The following LRRFIP1 variants were observed in gnomAD, a reference collection of about 807,000 sequenced individuals.
LRRFIP1 encodes the protein LRR binding FLII interacting protein 1.
LRRFIP1 carries 62 observed loss-of-function variants against 104.4 expected under a neutral mutation model. That is an observed-to-expected ratio of 0.59 (90% CI 0.48 to 0.73). The LOEUF (loss-of-function observed/expected upper bound fraction) is 0.73. LRRFIP1 is among the 30% of genes least tolerant of loss of function. The probability of loss-of-function intolerance (pLI) is 0.00; values close to 1 mark genes in which losing one functional copy is unlikely to be tolerated. For missense variants in LRRFIP1, 796 were observed against 824.5 expected (o/e 0.97, Z 0.42); for synonymous variants, 300 against 299.0 (o/e 1.00, Z -0.03).
chr2:237,767,465 C>T (rs928810464), intron 19 of LRRFIP1, among the ~76,000 whole-genome samples: 1 of 152,078 alleles, frequency 6.6e-6, no homozygotes, highest in African/African-American at 2.4e-5. Flanking sequence ...TGTAAATCTT[C>T]CTTCAAAAGT....
chr2:237,719,567 G>A lies in LRRFIP1; in HGVS notation c.294G>A (p.Ser98=), dbSNP rs2094464369. 4.3e-6 allele frequency: 7 copies of A among 1,611,770 alleles called. No individual in the cohort carries two copies. In the South Asian group the frequency reaches 4.4e-5, roughly 10 times the overall value. Residue 98 remains serine, a splice_region_variant and synonymous_variant, in exon 5 of 24, where the codon TCG becomes TCA. Coordinates refer to ENST00000308482, the MANE Select transcript of LRRFIP1 (RefSeq NM_001137550.2). ...CTCGTAGATCCAGAAGAAACACATCGGTTAGTACCGTGTTCATTCATTACT... is the reference window on the plus strand; with the variant it reads ...CTCGTAGATCCAGAAGAAACACATCAGTTAGTACCGTGTTCATTCATTACT... ...RYSRRSRRNT[S]ASDEDERMSV...
intron 1 of LRRFIP1, among the ~76,000 whole-genome samples, chr2:237,669,956 G>T (rs543460740): frequency 6.6e-6 from 1 of 152,194 alleles, no homozygotes; most frequent in Non-Finnish European, 1.5e-5. Flanking sequence ...GATTGGGGCC[G>T]TCTTTGGACA....
At position 237,666,492 on chromosome 2, in the gene LRRFIP1, G is replaced by C. The variant is rs1011546906; in HGVS notation, c.96+38752G>C. ...TGGAATCCACTCTTCACCTAAGAAT[G>C]AGTTGCTTCCCAGAGGTACCAACAA... On this transcript the variant is annotated intron_variant, in intron 1 of 23. Coordinates refer to ENST00000308482, the MANE Select transcript of LRRFIP1 (RefSeq NM_001137550.2). 2.0e-5 allele frequency among the ~76,000 whole-genome samples: 3 copies of C among 152,188 alleles called. 1 individual carries two copies. The South Asian group carries it at 6.2e-4, about 32-fold the overall frequency.
At chr2:237,633,979 C>A (rs2082742055) in intron 1 of LRRFIP1, among the ~76,000 whole-genome samples, 2 of 152,208 alleles carry the variant, frequency 1.3e-5, no homozygotes. Flanking sequence ...TATCTCTCAT[C>A]TTCTTTTTCC....
intron 10 of LRRFIP1, among the ~76,000 whole-genome samples, chr2:237,737,833 T>C (rs1371403473): frequency 6.6e-6 from 1 of 152,236 alleles, no homozygotes; most frequent in East Asian, 1.9e-4. Flanking sequence ...TATTAATCTG[T>C]GAATCTGAAA....
chr2:237,701,880 G>A (rs1475100437), intron 1 of LRRFIP1, among the ~76,000 whole-genome samples: 2 of 152,190 alleles, frequency 1.3e-5, no homozygotes, highest in East Asian at 3.8e-4. Context: ...TCTTCTGCAG[G>A]CCTCTCCAGC....
intron 1 of LRRFIP1, among the ~76,000 whole-genome samples, chr2:237,663,036 C>T (rs1236062083): frequency 6.6e-6 from 1 of 152,114 alleles, no homozygotes; most frequent in Non-Finnish European, 1.5e-5. Flanking sequence ...GCGGGGTAGC[C>T]CTGCCCTGCG....
At chr2:237,749,438 C>G (rs2058301794) in intron 13 of LRRFIP1, 114 bp downstream of exon 13, 2 of 1,257,226 alleles carry the variant, frequency 1.6e-6, no homozygotes, top group East Asian at 5.1e-5. Flanking sequence ...TCTTGGTCCT[C>G]TCTCCCTCAC....
At chr2:237,668,519 G>A (rs369487314) in intron 1 of LRRFIP1, among the ~76,000 whole-genome samples, 7 of 152,252 alleles carry the variant, frequency 4.6e-5, no homozygotes, top group Non-Finnish European at 7.4e-5. Context: ...GGCACCAGGG[G>A]CCTCTTAGCC....
intron 7 of LRRFIP1, among the ~76,000 whole-genome samples, chr2:237,726,787 A>G (rs2094770433): frequency 6.6e-6 from 1 of 152,076 alleles, no homozygotes; most frequent in Non-Finnish European, 1.5e-5. Context: ...CTCTATTTTG[A>G]ATCAGCAGAA....
chr2:237,707,940 A>G (rs1575669280), intron 1 of LRRFIP1, among the ~76,000 whole-genome samples: 1 of 152,192 alleles, frequency 6.6e-6, no homozygotes, highest in African/African-American at 2.4e-5. Flanking sequence ...TTTAAGGGGA[A>G]GCTGAGGGTG....
intron 23 of LRRFIP1, among the ~76,000 whole-genome samples, chr2:237,775,510 G>A (rs557789680): frequency 6.6e-6 from 1 of 152,320 alleles, no homozygotes; most frequent in Admixed American, 6.5e-5. Flanking sequence ...TTGAGCAAAG[G>A]AGTGGCTTAT....
intron 1 of LRRFIP1, among the ~76,000 whole-genome samples, chr2:237,668,010 C>G (rs1401067726): frequency 1.3e-5 from 2 of 152,144 alleles, no homozygotes; most frequent in Non-Finnish European, 2.9e-5. Flanking sequence ...TGCCCAGACC[C>G]TTCTTTTGAA....
At chr2:237,696,380 T>C (rs1454611528) in intron 1 of LRRFIP1, among the ~76,000 whole-genome samples, 1 of 152,192 alleles carries the variant, frequency 6.6e-6, no homozygotes, top group Non-Finnish European at 1.5e-5. Context: ...TTTTTCCTGC[T>C]TCTCTGCTAG....
At chr2:237,685,119 C>T (rs369410442) in intron 1 of LRRFIP1, among the ~76,000 whole-genome samples, 6 of 79,976 alleles carry the variant, frequency 7.5e-5, no homozygotes, top group Middle Eastern at 8.3e-3. Flanking sequence ...CCCCCCCCCA[C>T]ACAAAAAAAC....
intron 19 of LRRFIP1, 30 bp downstream of exon 19, chr2:237,760,235 C>T: frequency 6.2e-7 from 1 of 1,611,416 alleles, no homozygotes; most frequent in Non-Finnish European, 8.5e-7. Flanking sequence ...CGGCTCCTCA[C>T]ACCTTTCCAC....
At chr2:237,698,637 C>T (rs1246539026) in intron 1 of LRRFIP1, among the ~76,000 whole-genome samples, 1 of 152,246 alleles carries the variant, frequency 6.6e-6, no homozygotes, top group Non-Finnish European at 1.5e-5. Context: ...TTTCAGTCTA[C>T]TCCATAATTT....
chr2:237,676,202 T>G (rs1300658014), intron 1 of LRRFIP1, among the ~76,000 whole-genome samples: 2 of 152,224 alleles, frequency 1.3e-5, no homozygotes, highest in African/African-American at 4.8e-5. Flanking sequence ...ACTTTCTGTC[T>G]CCATGAATTT....
intron 15 of LRRFIP1, among the ~76,000 whole-genome samples, chr2:237,755,492 C>A (rs1422502895): frequency 5.9e-5 from 9 of 152,212 alleles, no homozygotes; most frequent in Non-Finnish European, 1.0e-4. Flanking sequence ...ACACCAGGCT[C>A]CCTGGGGGGG....
Sources: gnomAD v4.1 joint callset for allele counts (sites outside exome capture counted in the v4.1 genomes callset) on GRCh38, gnomAD v4.1.1 for gene constraint, MANE v1.5 for transcripts, NCBI Gene and HGNC (gene_info 2026-07-23, HGNC 2026-07-21) for gene names.